The following GABRB2 variants were observed in gnomAD, a reference collection of about 807,000 sequenced individuals.
GABRB2 encodes the protein gamma-aminobutyric acid receptor subunit beta-2.
In GABRB2, 16 loss-of-function variants were observed where a neutral mutation model predicts 54.7. The observed-to-expected ratio is 0.29, with a 90% CI of 0.20 to 0.44. The LOEUF is 0.44. Ranked by LOEUF, GABRB2 falls within the 20% of genes least tolerant of loss-of-function variation. The probability of loss-of-function intolerance (pLI) is 1.00; values close to 1 mark genes in which losing one functional copy is unlikely to be tolerated. For synonymous variants in GABRB2, 244 were observed against 233.8 expected, an observed-to-expected ratio of 1.04 and a Z score of -0.40; for missense variants, 355 against 644.0, an observed-to-expected ratio of 0.55 and a Z score of 4.86.
At chr5:161,425,678 T>C (rs1196555118) in intron 4 of GABRB2, among the ~76,000 whole-genome samples, 2 of 152,104 alleles carry the variant, frequency 1.3e-5, no homozygotes, top group Non-Finnish European at 2.9e-5. Context: ...ACCTGCAATA[T>C]CTCTGAGGTA....
chr5:161,316,748 AT>A (rs1275032205), intron 9 of GABRB2, among the ~76,000 whole-genome samples: 1 of 151,998 alleles, frequency 6.6e-6, no homozygotes, highest in Admixed American at 6.6e-5. Flanking sequence ...AGTAGCTGGG[AT>A]TACAGGTGCC....
chr5:161,334,686 C>A, intron 7 of GABRB2, 66 bp downstream of exon 7: 1 of 1,532,478 alleles, frequency 6.5e-7, no homozygotes, highest in Admixed American at 1.8e-5. Context: ...AAGGAAAACG[C>A]GTGCATGCGA....
intron 4 of GABRB2, among the ~76,000 whole-genome samples, chr5:161,416,368 TTG>T (rs1323392060): frequency 1.3e-5 from 2 of 152,014 alleles, no homozygotes; most frequent in African/African-American, 2.4e-5. Flanking sequence ...GTGACATAAC[TTG>T]GGCCTTTCAG....
intron 3 of GABRB2, among the ~76,000 whole-genome samples, chr5:161,510,102 C>T (rs998664845): frequency 2.0e-5 from 3 of 151,782 alleles, no homozygotes; most frequent in African/African-American, 2.4e-5. Context: ...TGTATCCCCT[C>T]GAGCATTTAT....
chr5:161,414,385 C>T (rs1428753779), intron 4 of GABRB2, among the ~76,000 whole-genome samples: 2 of 152,104 alleles, frequency 1.3e-5, no homozygotes, highest in Admixed American at 6.5e-5. Flanking sequence ...TTATTACTAC[C>T]TGCTAACGTG....
At chr5:161,360,725 A>C (rs1187259269) in intron 5 of GABRB2, among the ~76,000 whole-genome samples, 2 of 152,188 alleles carry the variant, frequency 1.3e-5, no homozygotes, top group Non-Finnish European at 2.9e-5. Context: ...CTAACACCAC[A>C]AAAAGAGAGG....
chr5:161,427,271 C>T (rs1005378816), intron 4 of GABRB2, among the ~76,000 whole-genome samples: 2 of 152,110 alleles, frequency 1.3e-5, no homozygotes, highest in African/African-American at 2.4e-5. Flanking sequence ...ATCAGCTGTT[C>T]ACATTTTCTG....
chr5:161,519,623 T>C (rs761446520), intron 3 of GABRB2, among the ~76,000 whole-genome samples: 6 of 152,070 alleles, frequency 3.9e-5, no homozygotes, highest in African/African-American at 7.2e-5. Flanking sequence ...TGAGGATTAA[T>C]TAAAGCATAA....
In GABRB2 at chr5:161,502,844, C is replaced by CT. The variant is rs1481554057; in HGVS notation, c.237+42382dup. ...AGGAGGGAGTTGCACAGAGAAGAAACTACAGAAATCTCCATAAGGTTTTTT... is the reference window on the plus strand; with the variant it reads ...AGGAGGGAGTTGCACAGAGAAGAAACTTACAGAAATCTCCATAAGGTTTTTT... On this transcript the variant is annotated intron_variant, in intron 3 of 9. Transcript: ENST00000393959. 2.6e-5 allele frequency among the ~76,000 whole-genome samples: 4 copies of CT among 152,162 alleles called. No individual in the cohort carries two copies. In the East Asian group the frequency reaches 7.7e-4, roughly 29 times the overall value.
chr5:161,440,381 A>C (rs1285295321), intron 4 of GABRB2, among the ~76,000 whole-genome samples: 1 of 152,200 alleles, frequency 6.6e-6, no homozygotes, highest in Non-Finnish European at 1.5e-5. Flanking sequence ...TAGACTGAAA[A>C]TAAATAAATG....
At chr5:161,539,994 A>C (rs187964629) in intron 3 of GABRB2, among the ~76,000 whole-genome samples, 194 of 152,330 alleles carry the variant, frequency 1.3e-3, no homozygotes, top group African/African-American at 4.5e-3. Flanking sequence ...ATGGCTGCTG[A>C]CTGAGCAGGG....
At chr5:161,403,893 A>G (rs1756276236) in intron 5 of GABRB2, among the ~76,000 whole-genome samples, 1 of 152,188 alleles carries the variant, frequency 6.6e-6, no homozygotes, top group Non-Finnish European at 1.5e-5. Context: ...TGCAAACCTC[A>G]GAGGGAGAAA....
intron 5 of GABRB2, among the ~76,000 whole-genome samples, chr5:161,389,506 T>C (rs938429022): frequency 6.6e-6 from 1 of 151,734 alleles, no homozygotes; most frequent in African/African-American, 2.4e-5. Context: ...TGCAGATAGA[T>C]TGATAGATAT....
chr5:161,458,697 T>G (rs753113053), intron 4 of GABRB2, among the ~76,000 whole-genome samples: 2 of 152,234 alleles, frequency 1.3e-5, no homozygotes, highest in Non-Finnish European at 2.9e-5. Context: ...TTTCTTCATT[T>G]GAAAACAAAG....
intron 4 of GABRB2, among the ~76,000 whole-genome samples, chr5:161,437,865 T>C (rs1174494067): frequency 2.0e-5 from 3 of 152,186 alleles, no homozygotes. Flanking sequence ...GTATGAGTGA[T>C]AGCTCAGCTG....
intron 3 of GABRB2, among the ~76,000 whole-genome samples, chr5:161,500,697 G>C (rs192338146): frequency 3.2e-4 from 48 of 152,150 alleles, no homozygotes; most frequent in African/African-American, 1.1e-3. Flanking sequence ...TTCATTGCAG[G>C]GAGATTATTG....
chr5:161,333,895 T>C (rs1003948374), intron 7 of GABRB2, among the ~76,000 whole-genome samples: 71 of 152,224 alleles, frequency 4.7e-4, no homozygotes, highest in South Asian at 2.1e-4. Context: ...TATCCCTCTA[T>C]AGATTTACCA....
chr5:161,346,801 T>C (rs1754330182), intron 5 of GABRB2, among the ~76,000 whole-genome samples: 1 of 152,184 alleles, frequency 6.6e-6, no homozygotes, highest in African/African-American at 2.4e-5. Context: ...TACATTTAAT[T>C]GAAATTATCT....
Position 161,425,598 on chromosome 5 carries a change from C to T in GABRB2, c.459-14541G>A, listed in dbSNP as rs114152291. Among the ~76,000 whole-genome samples the T allele has an allele frequency of 3.4e-3, 519 of 152,060 alleles. 4 individuals carry two copies. The highest frequency in any genetic ancestry group is 0.012 in the African/African-American group (483 of 41,538). On this transcript the variant is annotated intron_variant, in intron 4 of 9. Coordinates refer to ENST00000393959, the MANE Select transcript of GABRB2 (RefSeq NM_001371727.1). Reference sequence around the variant, plus strand: ...TATAGTGTAAGCATAACTTTTTGTGCATTGGGAAACAAAAAGTTGTGATTC... The same window carrying T: ...TATAGTGTAAGCATAACTTTTTGTGTATTGGGAAACAAAAAGTTGTGATTC...
Sources: allele counts gnomAD v4.1 joint callset (sites outside exome capture counted in the v4.1 genomes callset), GRCh38; gene constraint gnomAD v4.1.1; transcripts MANE v1.5; gene names NCBI Gene and HGNC (gene_info 2026-07-23, HGNC 2026-07-21).